Variants in BBX observed in about 807,000 individuals in gnomAD.
The protein encoded by BBX is BBX high mobility group box domain containing, also known as HMG box transcription factor BBX.
BBX carries 30 observed loss-of-function variants against 100.2 expected under a neutral mutation model. The ratio of observed to expected loss-of-function variants is 0.30; its 90% confidence interval spans 0.22 to 0.41. The LOEUF (loss-of-function observed/expected upper bound fraction) is 0.41. Ranked by LOEUF, BBX falls within the 10% of genes least tolerant of loss-of-function variation. The pLI is 1.00. For missense variants in BBX, 1,023 were observed against 1,129.8 expected, an observed-to-expected ratio of 0.91 and a Z score of 1.35; for synonymous variants, 376 against 388.1, an observed-to-expected ratio of 0.97 and a Z score of 0.37.
intron 2 of BBX, among the ~76,000 whole-genome samples, chr3:107,548,740 G>A (rs2049429235): frequency 6.6e-6 from 1 of 152,126 alleles, no homozygotes; most frequent in African/African-American, 2.4e-5. Flanking sequence ...AATCAACCTA[G>A]GTGCCCATCA....
intron 2 of BBX, among the ~76,000 whole-genome samples, chr3:107,550,926 A>G (rs2049615486): frequency 6.6e-6 from 1 of 152,230 alleles, no homozygotes; most frequent in South Asian, 2.1e-4. Context: ...ACTGTAGCTC[A>G]GTGGAATGAT....
rs1468198682 is a variant in BBX, at chr3:107,707,843, C to CAT, written c.-9-2601_-9-2600dup. ...ACACAAAGGTGCACACATATCCACACATATATATACATTCACACATAGTTA... is the reference window on the plus strand; with the variant it reads ...ACACAAAGGTGCACACATATCCACACATATATATATACATTCACACATAGTTA... On this transcript the variant is annotated intron_variant, in intron 3 of 17. Transcript: ENST00000325805. Among the ~76,000 whole-genome samples, 5 of 152,226 alleles carry CAT rather than the reference C, an allele frequency of 3.3e-5. No individual in the cohort carries two copies. The East Asian group carries it at 9.6e-4, about 29-fold the overall frequency.
chr3:107,534,455 C>T (rs1433867806), intron 2 of BBX, among the ~76,000 whole-genome samples: 2 of 152,040 alleles, frequency 1.3e-5, no homozygotes, highest in Non-Finnish European at 2.9e-5. Flanking sequence ...TAGGGTTTCC[C>T]TCCCTTCTTT....
intron 2 of BBX, among the ~76,000 whole-genome samples, chr3:107,633,686 C>G (rs958442141): frequency 7.9e-5 from 12 of 152,234 alleles, no homozygotes; most frequent in Non-Finnish European, 1.3e-4. Flanking sequence ...TTAGACAGAT[C>G]TGATGGTTAG....
In BBX at chr3:107,773,130, A is replaced by G; in HGVS notation, c.1409A>G (p.Lys470Arg). Residue 470 changes from lysine to arginine, a missense_variant, in exon 11 of 18, where the codon AAG becomes AGG. Lys to Arg is a conservative substitution (Grantham distance 26). This residue lies in a region of BBX where 348 missense variants were observed against 353.2 expected (regional missense o/e 0.99). Coordinates refer to ENST00000325805, the MANE Select transcript of BBX (RefSeq NM_001142568.3). This position sits in a 1 kb window ranked among gnomAD's most constrained non-coding sequence, Gnocchi z 4.1. ...DRHGNDKSTP[K>R]KTCKKRQSSE... ...CATGGAAATGATAAATCCACACCCAAGAAGACTTGCAAAAAGAGGCAGTCT... is the reference window on the plus strand; with the variant it reads ...CATGGAAATGATAAATCCACACCCAGGAAGACTTGCAAAAAGAGGCAGTCT... The G allele has an allele frequency of 1.2e-6, 2 of 1,614,122 alleles. No homozygotes were observed. The highest frequency in any genetic ancestry group is 1.7e-6 in the Non-Finnish European group (2 of 1,180,014).
intron 5 of BBX, among the ~76,000 whole-genome samples, chr3:107,723,534 A>G (rs1295242340): frequency 6.6e-6 from 1 of 151,948 alleles, no homozygotes; most frequent in Non-Finnish European, 1.5e-5. Context: ...TACATTAGGT[A>G]TATCTCCTAA....
intron 5 of BBX, among the ~76,000 whole-genome samples, chr3:107,719,215 G>A (rs1303192688): frequency 6.6e-6 from 1 of 151,914 alleles, no homozygotes; most frequent in African/African-American, 2.4e-5. Flanking sequence ...GATGTGTAAC[G>A]TTTAAATTTT....
At chr3:107,718,160 TTAA>T (rs2062239543) in intron 5 of BBX, among the ~76,000 whole-genome samples, 1 of 148,934 alleles carries the variant, frequency 6.7e-6, no homozygotes, top group African/African-American at 2.4e-5. Context: ...CTAAAAATTA[TTAA>T]TAATTATATT....
chr3:107,798,847 A>C (rs2070057576), intron 16 of BBX, 127 bp downstream of exon 16: 5 of 1,059,392 alleles, frequency 4.7e-6, no homozygotes, highest in Non-Finnish European at 6.7e-6. Flanking sequence ...AAAAAAAAAA[A>C]AAACAAAAAC....
intron 13 of BBX, among the ~76,000 whole-genome samples, chr3:107,779,346 A>C (rs958682557): frequency 1.3e-5 from 2 of 151,966 alleles, no homozygotes; most frequent in African/African-American, 4.8e-5. Flanking sequence ...TATTGCTTTC[A>C]TTGAGAAACT....
intron 3 of BBX, among the ~76,000 whole-genome samples, chr3:107,658,961 C>T (rs1032456355): frequency 6.6e-6 from 1 of 152,106 alleles, no homozygotes; most frequent in Non-Finnish European, 1.5e-5. Context: ...TGACCTGTAA[C>T]ACCTTTGATG....
intron 10 of BBX, 149 bp from the exon 11 acceptor site, chr3:107,772,479 A>G: frequency 1.3e-6 from 1 of 779,576 alleles, no homozygotes; most frequent in Non-Finnish European, 1.9e-6. Flanking sequence ...GATTCATTTC[A>G]GTTAGTTTGG....
chr3:107,719,632 A>G (rs774917371), intron 5 of BBX, among the ~76,000 whole-genome samples: 17 of 152,058 alleles, frequency 1.1e-4, no homozygotes, highest in Non-Finnish European at 2.2e-4. Context: ...TACTAGAGCA[A>G]TAATTCATTA....
chr3:107,794,519 C>G (rs1239389952), intron 15 of BBX, among the ~76,000 whole-genome samples: 1 of 152,084 alleles, frequency 6.6e-6, no homozygotes, highest in East Asian at 1.9e-4. Flanking sequence ...TAATTACAGG[C>G]AGGAAAATTC....
intron 2 of BBX, among the ~76,000 whole-genome samples, chr3:107,580,071 C>G (rs1181567271): frequency 6.6e-6 from 1 of 151,802 alleles, no homozygotes. Flanking sequence ...TTTTAAAAAG[C>G]CAATAATCTT....
At chr3:107,732,882 A>AGTATTCT (rs1410595444) in intron 6 of BBX, 74 bp from the exon 7 acceptor site, 27 of 1,212,312 alleles carry the variant, frequency 2.2e-5, no homozygotes, top group Non-Finnish European at 3.2e-5. Context: ...AGTCTTTATG[A>AGTATTCT]GTATTCTTTT....
At chr3:107,580,115 TA>T (rs1171261328) in intron 2 of BBX, among the ~76,000 whole-genome samples, 10 of 152,328 alleles carry the variant, frequency 6.6e-5, no homozygotes, top group Non-Finnish European at 5.9e-5. Context: ...TGGCATTATA[TA>T]TGCAGTTAAT....
chr3:107,608,179 T>C (rs990509132), intron 2 of BBX, among the ~76,000 whole-genome samples: 5 of 152,172 alleles, frequency 3.3e-5, no homozygotes, highest in African/African-American at 1.2e-4. Context: ...TTTCTTTTAG[T>C]AGTTTCATAG....
chr3:107,781,956 A>G (rs1313208160), intron 13 of BBX, among the ~76,000 whole-genome samples: 1 of 152,132 alleles, frequency 6.6e-6, no homozygotes, highest in Non-Finnish European at 1.5e-5. Context: ...GGTGGGGCCA[A>G]GCCAATAGTA....
Sources: allele counts gnomAD v4.1 joint callset (sites outside exome capture counted in the v4.1 genomes callset), GRCh38; gene constraint gnomAD v4.1.1; regional missense constraint gnomAD v4.1.1; non-coding constraint Gnocchi (gnomAD v3.1); transcripts MANE v1.5; gene names NCBI Gene and HGNC (gene_info 2026-07-23, HGNC 2026-07-21).